RALB: variants seen among roughly 807,000 people sequenced by gnomAD.
RALB encodes the protein RAS like proto-oncogene B.
Under a neutral mutation model 21.3 loss-of-function variants are expected in RALB, and 16 were observed. The ratio of observed to expected loss-of-function variants is 0.75; its 90% CI spans 0.51 to 1.14. The LOEUF (loss-of-function observed/expected upper bound fraction) is 1.14. Ranked by LOEUF, RALB falls within the 50% of genes most tolerant of loss-of-function variation. The probability of loss-of-function intolerance (pLI) is 0.00; values close to 1 mark genes in which losing one functional copy is unlikely to be tolerated. For synonymous variants in RALB, 93 were observed against 96.1 expected (o/e 0.97, Z 0.19); for missense variants, 161 against 256.2 (o/e 0.63, Z 2.54).
In RALB at chr2:120,282,086, C is replaced by T. The variant is rs568290166; in HGVS notation, c.114+3308C>T. ...CACAATGCCACTGTTGAGAAACCTGCATTAGAGGCAGAGCCGTGGCAGATC... is the reference window on the plus strand; with the variant it reads ...CACAATGCCACTGTTGAGAAACCTGTATTAGAGGCAGAGCCGTGGCAGATC... On this transcript the variant is annotated intron_variant, in intron 2 of 4. Transcript: ENST00000272519. Among the ~76,000 whole-genome samples the T allele has an allele frequency of 4.6e-5, 7 of 152,262 alleles. No homozygotes were observed. In the East Asian group the frequency reaches 9.7e-4, roughly 21 times the overall value.
At chr2:120,263,946 C>G (rs1373500162) in intron 1 of RALB, among the ~76,000 whole-genome samples, 2 of 152,008 alleles carry the variant, frequency 1.3e-5, no homozygotes, top group Non-Finnish European at 2.9e-5. Flanking sequence ...CTCCAGGGTT[C>G]TAGCGATTCT....
At chr2:120,264,405 G>A (rs764527366) in intron 1 of RALB, among the ~76,000 whole-genome samples, 33 of 152,052 alleles carry the variant, frequency 2.2e-4, no homozygotes, top group Non-Finnish European at 4.6e-4. Context: ...ATCCACCTCC[G>A]CCCCTCAAAG....
At chr2:120,247,049 G>A (rs1184990099) in intron 1 of RALB, among the ~76,000 whole-genome samples, 1 of 152,218 alleles carries the variant, frequency 6.6e-6, no homozygotes, top group Non-Finnish European at 1.5e-5. Flanking sequence ...CTTCGCAGCT[G>A]TCACCCCGTG....
At chr2:120,259,360 C>T (rs1041680473) in intron 1 of RALB, among the ~76,000 whole-genome samples, 3 of 152,202 alleles carry the variant, frequency 2.0e-5, no homozygotes, top group African/African-American at 4.8e-5. Flanking sequence ...TACAAAGGTT[C>T]TCCACGTCCC....
intron 1 of RALB, among the ~76,000 whole-genome samples, chr2:120,261,472 G>A (rs1011591006): frequency 1.3e-5 from 2 of 152,276 alleles, no homozygotes; most frequent in Middle Eastern, 6.8e-3. Context: ...ATGAGGTTAG[G>A]TTATCTGTCA....
chr2:120,262,422 G>A (rs1391627784), intron 1 of RALB, among the ~76,000 whole-genome samples: 1 of 152,180 alleles, frequency 6.6e-6, no homozygotes, highest in Non-Finnish European at 1.5e-5. Flanking sequence ...GCTCTCGAAG[G>A]GTTTGCTGGT....
chr2:120,260,040 T>C (rs1352208069), intron 1 of RALB, among the ~76,000 whole-genome samples: 1 of 152,144 alleles, frequency 6.6e-6, no homozygotes, highest in Non-Finnish European at 1.5e-5. Flanking sequence ...GGCTGGCTGC[T>C]CCGAGTGCGG....
intron 2 of RALB, chr2:120,280,990 T>TA (rs1689976793): frequency 1.2e-5 from 4 of 335,196 alleles, no homozygotes; most frequent in South Asian, 9.3e-5. Flanking sequence ...TAGTTTTTTT[T>TA]ATTACTGTAT....
At chr2:120,242,104 A>C (rs928514855) in intron 1 of RALB, among the ~76,000 whole-genome samples, 2 of 152,248 alleles carry the variant, frequency 1.3e-5, no homozygotes, top group African/African-American at 4.8e-5. Context: ...AGGACAGGCC[A>C]TAACACAGGT....
chr2:120,270,188 T>A (rs1421492445), intron 1 of RALB, among the ~76,000 whole-genome samples: 2 of 152,252 alleles, frequency 1.3e-5, no homozygotes, highest in South Asian at 4.1e-4. Flanking sequence ...GTTCTTCTTA[T>A]AATTCTCCTT....
intron 1 of RALB, chr2:120,240,258 A>G: frequency 7.3e-6 from 5 of 689,002 alleles, no homozygotes; most frequent in Non-Finnish European, 8.2e-6. Context: ...CACAGCATGT[A>G]CTCATGGAGC....
At position 120,252,876 on chromosome 2, in the gene RALB, A is replaced by G. The variant is rs1364598055; in HGVS notation, c.-152A>G. ...GGAAAGCGAGCCCGGCAGCTCAATG[A>G]CAAATCGGTGGAGGACGGCTGGGGT... On this transcript the variant is annotated 5_prime_UTR_variant, in exon 1 of 5. Transcript: ENST00000272519. The G allele has an allele frequency of 4.1e-6, 4 of 985,336 alleles. No homozygotes were observed. The highest frequency in any genetic ancestry group is 4.8e-6 in the Non-Finnish European group (4 of 830,030). The allele number at this position is 985,336 out of a possible 1,614,324, so 61.0% of individuals were successfully genotyped here.
upstream of RALB, among the ~76,000 whole-genome samples, chr2:120,248,260 G>A (rs1689002389): frequency 6.6e-6 from 1 of 152,242 alleles, no homozygotes; most frequent in South Asian, 2.1e-4. Context: ...AAGCTTGCCG[G>A]GCCTCTTTCT....
Position 120,294,326 on chromosome 2 carries a change from C to T in RALB, c.*1066C>T. 1 of 398,792 alleles carries T rather than the reference C, an allele frequency of 2.5e-6. No individual in the cohort carries two copies. The highest frequency in any genetic ancestry group is 4.4e-6 in the Non-Finnish European group (1 of 226,050). 24.7% of individuals were successfully genotyped at this position (398,792 alleles called of 1,614,324 possible). A position where few individuals can be genotyped will look rare whatever the true frequency, so the allele number is the denominator to read the frequency against. ...AAATTAGAAGTAGAGAGAGATAAGC[C>T]ATCGCCCCTTTGCCTCTGAGAATTG... On this transcript the variant is annotated 3_prime_UTR_variant, in exon 5 of 5. Transcript: ENST00000272519.
At chr2:120,255,474 A>G (rs1361181524) in intron 1 of RALB, among the ~76,000 whole-genome samples, 1 of 152,150 alleles carries the variant, frequency 6.6e-6, no homozygotes, top group Non-Finnish European at 1.5e-5. Flanking sequence ...AGATTTGACC[A>G]TGGGCTGTCT....
chr2:120,253,937 T>C (rs1380820472), intron 1 of RALB, among the ~76,000 whole-genome samples: 1 of 152,082 alleles, frequency 6.6e-6, no homozygotes, highest in African/African-American at 2.4e-5. Flanking sequence ...TCAGAGGGGA[T>C]AGTGAATCTT....
intron 1 of RALB, among the ~76,000 whole-genome samples, chr2:120,264,147 C>CTATTTATT (rs1167060142): frequency 1.3e-5 from 2 of 149,870 alleles, no homozygotes; most frequent in Admixed American, 6.7e-5. Flanking sequence ...CTGCGCTAGC[C>CTATTTATT]TATTTATTTA....
At chr2:120,279,283 T>A (rs1689924802) in intron 2 of RALB, among the ~76,000 whole-genome samples, 1 of 152,118 alleles carries the variant, frequency 6.6e-6, no homozygotes, top group South Asian at 2.1e-4. Context: ...GTGGATAACA[T>A]CACTGGTGTT....
intron 2 of RALB, among the ~76,000 whole-genome samples, chr2:120,284,833 C>T (rs1690088542): frequency 6.6e-6 from 1 of 152,180 alleles, no homozygotes; most frequent in Non-Finnish European, 1.5e-5. Context: ...CTTTCTGCTT[C>T]TATGGATTTG....
Sources: allele counts gnomAD v4.1 joint callset (sites outside exome capture counted in the v4.1 genomes callset), GRCh38; gene constraint gnomAD v4.1.1; transcripts MANE v1.5; gene names NCBI Gene and HGNC (gene_info 2026-07-23, HGNC 2026-07-21).